CIPC: variants seen among roughly 807,000 people sequenced by gnomAD.
The protein encoded by CIPC is CLOCK-interacting pacemaker.
A neutral mutation model predicts 26.7 loss-of-function variants in CIPC; 12 were observed. The observed-to-expected ratio is 0.45, with a 90% CI of 0.29 to 0.73. CIPC has a LOEUF of 0.73. Among genes scored for constraint, CIPC ranks in the 30% least tolerant of loss-of-function variants. The probability of loss-of-function intolerance (pLI) is 0.12; values close to 1 mark genes in which losing one functional copy is unlikely to be tolerated. For missense variants in CIPC, 417 were observed against 486.5 expected, an observed-to-expected ratio of 0.86 and a Z score of 1.34; for synonymous variants, 170 against 189.8, an observed-to-expected ratio of 0.90 and a Z score of 0.86.
rs1886578958 is a variant in CIPC at position 77,105,738 on chromosome 14, C to T, written c.30C>T (p.Ser10=). The T allele has an allele frequency of 3.1e-6, 5 of 1,613,858 alleles. No homozygotes were observed. The South Asian group carries it at 4.4e-5, about 14-fold the overall frequency. The change falls in exon 2 of 4, where the codon AGC becomes AGT. Residue 10 remains serine, a synonymous_variant. Coordinates refer to ENST00000361786, the MANE Select transcript of CIPC (RefSeq NM_033426.3). MERKNPSRE[S]PRRLSAKVGK... ...AGAGGAAAAACCCATCCAGAGAGAG[C>T]CCCAGAAGACTCTCTGCCAAAGTAG... is the stretch of plus-strand genomic sequence containing the variant.
intron 2 of CIPC, among the ~76,000 whole-genome samples, chr14:77,107,389 C>G (rs1358629016): frequency 6.6e-6 from 1 of 152,064 alleles, no homozygotes; most frequent in Non-Finnish European, 1.5e-5. Context: ...AGAAAGTAGC[C>G]CCAGTGAATG....
At chr14:77,110,409 G>A (rs752230191) in intron 3 of CIPC, among the ~76,000 whole-genome samples, 14 of 152,280 alleles carry the variant, frequency 9.2e-5, no homozygotes, top group Admixed American at 2.0e-4. Context: ...CTCAGAAGTA[G>A]AGGCAATTTC....
chr14:77,099,503 C>G (rs888526341), intron 1 of CIPC, among the ~76,000 whole-genome samples: 1 of 152,172 alleles, frequency 6.6e-6, no homozygotes, highest in Non-Finnish European at 1.5e-5. Context: ...AAAATGACTT[C>G]GGAGAAAAGC....
At chr14:77,099,773 A>G (rs1476601469) in intron 1 of CIPC, 1 of 152,196 alleles carries the variant, frequency 6.6e-6, no homozygotes, top group Non-Finnish European at 1.5e-5. Context: ...ATAAGGACAA[A>G]TCTTCACAAA....
intron 1 of CIPC, among the ~76,000 whole-genome samples, chr14:77,101,983 G>A (rs565260056): frequency 6.6e-6 from 1 of 152,296 alleles, no homozygotes; most frequent in Admixed American, 6.5e-5. Flanking sequence ...CTACTCAGGA[G>A]GCTAGGGCAG....
intron 1 of CIPC, among the ~76,000 whole-genome samples, chr14:77,101,522 A>T (rs1228801267): frequency 6.6e-6 from 1 of 151,894 alleles, no homozygotes; most frequent in Non-Finnish European, 1.5e-5. Flanking sequence ...ACTGCCACCA[A>T]CTCCCCAGGA....
chr14:77,102,157 GGTCT>G (rs1886501487), intron 1 of CIPC, among the ~76,000 whole-genome samples: 1 of 152,146 alleles, frequency 6.6e-6, no homozygotes, highest in African/African-American at 2.4e-5. Flanking sequence ...AACCCAGCAA[GGTCT>G]GTCTGTCCAG....
rs979792619 is a variant in CIPC at position 77,116,345 on chromosome 14, C to T, written c.*2027C>T. 1 of 152,214 alleles carries T rather than the reference C, an allele frequency of 6.6e-6. No homozygotes were observed. The highest frequency in any genetic ancestry group is 2.4e-5 in the African/African-American group (1 of 41,440). 9.4% of individuals were successfully genotyped at this position (152,214 alleles called of 1,614,324 possible). A position where few individuals can be genotyped will look rare whatever the true frequency, so the allele number is the denominator to read the frequency against. On this transcript the variant is annotated 3_prime_UTR_variant, in exon 4 of 4. Coordinates refer to ENST00000361786, the MANE Select transcript of CIPC (RefSeq NM_033426.3). ...ACTATAGCAGCTCTACTCTGTGCAC[C>T]ATGCTAGGAAGCTTCCTTTTTGGCA...
chr14:77,113,343 A>G, intron 3 of CIPC, 82 bp from the exon 4 acceptor site: 7 of 1,460,250 alleles, frequency 4.8e-6, no homozygotes, highest in Non-Finnish European at 6.7e-6. Context: ...TTGAGTATCC[A>G]CTTGCCCCTT....
intron 2 of CIPC, among the ~76,000 whole-genome samples, chr14:77,106,809 T>C (rs951296837): frequency 6.6e-6 from 1 of 152,204 alleles, no homozygotes; most frequent in African/African-American, 2.4e-5. Flanking sequence ...AGACCGTTGC[T>C]CAAAGAGGAA....
rs1261393296 is a variant in CIPC, at chr14:77,114,885, T to C, written c.*567T>C. 1 of 153,214 alleles carries C rather than the reference T, an allele frequency of 6.5e-6. No individual in the cohort carries two copies. Among genetic ancestry groups the C allele is most frequent in the African/African-American group, 2.4e-5 (1 of 41,472 alleles). 9.5% of individuals were successfully genotyped at this position (153,214 alleles called of 1,614,324 possible). ...TGTGAGCACTTAATCACTCAACGCTTTGTTTTCTTACACTTGAAAATCAAG... is the reference window on the plus strand; with the variant it reads ...TGTGAGCACTTAATCACTCAACGCTCTGTTTTCTTACACTTGAAAATCAAG... On this transcript the variant is annotated 3_prime_UTR_variant, in exon 4 of 4. Transcript: ENST00000361786.
chr14:77,108,026 T>A (rs1473598960), intron 2 of CIPC, among the ~76,000 whole-genome samples: 2 of 152,218 alleles, frequency 1.3e-5, no homozygotes, highest in Non-Finnish European at 2.9e-5. Flanking sequence ...CATCTTTGAA[T>A]GAGTCAGGCC....
chr14:77,099,877 C>A (rs747430917), intron 1 of CIPC: 4 of 152,160 alleles, frequency 2.6e-5, no homozygotes, highest in Non-Finnish European at 4.4e-5. Flanking sequence ...ATATCTGTTT[C>A]CTGCAGGGGA....
At chr14:77,108,520 T>C (rs1250124162) in intron 2 of CIPC, among the ~76,000 whole-genome samples, 1 of 152,116 alleles carries the variant, frequency 6.6e-6, no homozygotes, top group Non-Finnish European at 1.5e-5. Flanking sequence ...GGAGAAACCC[T>C]GTCTTTAATA....
In CIPC at chr14:77,098,328, C is replaced by G. The variant is rs1403905196; in HGVS notation, c.-86C>G. Reference sequence around the variant, plus strand: ...GCTCGCGCATGCGCCACCTGACCCACAGGCCGGTCGTGGAGCTGCGACCCC... The same window carrying G: ...GCTCGCGCATGCGCCACCTGACCCAGAGGCCGGTCGTGGAGCTGCGACCCC... On this transcript the variant is annotated 5_prime_UTR_variant, in exon 1 of 4. Coordinates refer to ENST00000361786, the MANE Select transcript of CIPC (RefSeq NM_033426.3). 1 of 152,702 alleles carries G rather than the reference C, an allele frequency of 6.5e-6. No individual in the cohort carries two copies. Among genetic ancestry groups the G allele is most frequent in the African/African-American group, 2.4e-5 (1 of 41,446 alleles). 9.5% of individuals were successfully genotyped at this position (152,702 alleles called of 1,614,324 possible). A position where few individuals can be genotyped will look rare whatever the true frequency, so the allele number is the denominator to read the frequency against.
intron 3 of CIPC, among the ~76,000 whole-genome samples, chr14:77,110,650 G>A (rs1042154319): frequency 6.6e-6 from 1 of 152,054 alleles, no homozygotes; most frequent in Non-Finnish European, 1.5e-5. Flanking sequence ...AAGCTCTAGT[G>A]TTTGAAACTG....
intron 1 of CIPC, among the ~76,000 whole-genome samples, chr14:77,100,457 G>T (rs1002903036): frequency 1.3e-5 from 2 of 151,830 alleles, no homozygotes; most frequent in African/African-American, 4.8e-5. Flanking sequence ...GGCCAGGCTG[G>T]TCTCCAACTC....
intron 1 of CIPC, among the ~76,000 whole-genome samples, chr14:77,101,931 T>A (rs1359913428): frequency 6.6e-6 from 1 of 151,832 alleles, no homozygotes; most frequent in African/African-American, 2.4e-5. Flanking sequence ...ACAAAAAATT[T>A]AAAAATTAGC....
At position 77,114,320 on chromosome 14, in the gene CIPC, A is replaced by G. The variant is rs1381926574; in HGVS notation, c.*2A>G. The G allele has an allele frequency of 4.4e-6, 7 of 1,587,104 alleles. No homozygotes were observed. The highest frequency in any genetic ancestry group is 6.0e-6 in the Non-Finnish European group (7 of 1,168,782). On this transcript the variant is annotated 3_prime_UTR_variant, in exon 4 of 4. Coordinates refer to ENST00000361786, the MANE Select transcript of CIPC (RefSeq NM_033426.3). ...TTCTCTGATCACCCAGCCATATAGC[A>G]CAGAGGCATATTTTCCTGTTACTTG...
Sources: allele counts gnomAD v4.1 joint callset (sites outside exome capture counted in the v4.1 genomes callset), GRCh38; gene constraint gnomAD v4.1.1; transcripts MANE v1.5; gene names NCBI Gene and HGNC (gene_info 2026-07-23, HGNC 2026-07-21).